CEP128: variants seen among roughly 807,000 people sequenced by gnomAD.
CEP128 encodes centrosomal protein 128, also known as centrosomal protein 128kDa.
In CEP128, 132 loss-of-function variants were observed where a neutral mutation model predicts 156.7. That is an observed-to-expected ratio of 0.84 (90% CI 0.73 to 0.97). The LOEUF is 0.97. Ranked by LOEUF, CEP128 falls within the 50% of genes least tolerant of loss-of-function variation. CEP128 has a pLI of 0.00. For synonymous variants in CEP128, 469 were observed against 448.9 expected (o/e 1.04, Z -0.57); for missense variants, 1,252 against 1,281.9 (o/e 0.98, Z 0.36).
intron 19 of CEP128, among the ~76,000 whole-genome samples, chr14:80,629,166 T>C (rs983747070): frequency 1.3e-5 from 2 of 152,204 alleles, no homozygotes; most frequent in South Asian, 2.1e-4. Context: ...TTAGCAACAA[T>C]TGAAAAAATG....
chr14:80,746,663 G>A (rs987530323), intron 18 of CEP128, among the ~76,000 whole-genome samples: 5 of 152,168 alleles, frequency 3.3e-5, no homozygotes, highest in African/African-American at 1.2e-4. Flanking sequence ...GGCATAAATC[G>A]TTGTGACCTT....
At chr14:80,688,006 G>A (rs1271617943) in intron 19 of CEP128, among the ~76,000 whole-genome samples, 1 of 151,934 alleles carries the variant, frequency 6.6e-6, no homozygotes, top group Non-Finnish European at 1.5e-5. Context: ...TATTCTGATA[G>A]TTGCTTCATG....
chr14:80,728,746 G>C (rs896296740), intron 19 of CEP128, among the ~76,000 whole-genome samples: 1 of 152,078 alleles, frequency 6.6e-6, no homozygotes, highest in Non-Finnish European at 1.5e-5. Flanking sequence ...TCTGGATTAA[G>C]AGAAGGACCA....
rs1895028686 is a variant in CEP128 at position 80,654,071 on chromosome 14, G to C, written c.2807-73648C>G. On this transcript the variant is annotated intron_variant, in intron 19 of 24. Coordinates refer to ENST00000555265, the MANE Select transcript of CEP128 (RefSeq NM_152446.5). ...AGCCCCTGCTTTATAGAACATGAAT[G>C]AACATTCATGGGCAGTAGGAGGCTT... Among the ~76,000 whole-genome samples, 3 of 152,100 alleles carry C rather than the reference G, an allele frequency of 2.0e-5. No homozygotes were observed. The South Asian group carries it at 6.2e-4, about 32-fold the overall frequency.
chr14:80,577,844 C>G (rs1891423242), intron 20 of CEP128, among the ~76,000 whole-genome samples: 1 of 152,176 alleles, frequency 6.6e-6, no homozygotes, highest in African/African-American at 2.4e-5. Context: ...TGCTGCCCCT[C>G]TCTCAGATGC....
intron 16 of CEP128, among the ~76,000 whole-genome samples, chr14:80,773,200 A>T (rs1900609225): frequency 1.3e-5 from 2 of 152,206 alleles, no homozygotes; most frequent in Admixed American, 1.3e-4. Flanking sequence ...TATAAAATGA[A>T]AATCATCAGT....
chr14:80,606,933 T>G (rs987624713), intron 19 of CEP128, among the ~76,000 whole-genome samples: 1 of 151,818 alleles, frequency 6.6e-6, no homozygotes, highest in Non-Finnish European at 1.5e-5. Flanking sequence ...CCTTTCATTA[T>G]TACTCTCTAA....
chr14:80,648,815 G>A (rs1352918688), intron 19 of CEP128, among the ~76,000 whole-genome samples: 1 of 151,988 alleles, frequency 6.6e-6, no homozygotes, highest in Non-Finnish European at 1.5e-5. Flanking sequence ...ACACTATACT[G>A]CTTGCCTCTG....
At chr14:80,901,857 G>T (rs2139427875) in intron 6 of CEP128, among the ~76,000 whole-genome samples, 1 of 152,260 alleles carries the variant, frequency 6.6e-6, no homozygotes, top group Admixed American at 6.5e-5. Flanking sequence ...CACCCACATT[G>T]AATCCATTTT....
intron 14 of CEP128, among the ~76,000 whole-genome samples, chr14:80,485,434 T>TATTC (rs1783955611): frequency 6.6e-6 from 1 of 152,040 alleles, no homozygotes; most frequent in African/African-American, 2.4e-5. Context: ...AACAGTGAAA[T>TATTC]ATGAATGAGT....
chr14:80,612,414 T>C (rs1192871263), intron 19 of CEP128, among the ~76,000 whole-genome samples: 1 of 152,204 alleles, frequency 6.6e-6, no homozygotes, highest in Non-Finnish European at 1.5e-5. Context: ...CGTGTTAATC[T>C]GATCAACATT....
At chr14:80,573,727 C>T (rs1478468144) in intron 20 of CEP128, among the ~76,000 whole-genome samples, 1 of 152,060 alleles carries the variant, frequency 6.6e-6, no homozygotes, top group Non-Finnish European at 1.5e-5. Flanking sequence ...ACCTGTTTGA[C>T]CCCAAGGCAG....
intron 23 of CEP128, among the ~76,000 whole-genome samples, chr14:80,507,619 T>C (rs897015875): frequency 5.9e-5 from 9 of 152,138 alleles, no homozygotes; most frequent in Admixed American, 5.2e-4. Flanking sequence ...AAAAGATGCT[T>C]TGATGATTAG....
At chr14:80,742,184 T>C (rs61979421) in intron 19 of CEP128, among the ~76,000 whole-genome samples, 16,600 of 152,262 alleles carry the variant, frequency 0.11, 1,372 homozygotes, top group East Asian at 0.43. Flanking sequence ...AAAATATCTC[T>C]TGTGACAAAA....
rs1036037635 is a variant in CEP128, at chr14:80,811,290, A to ATAC, written c.1210-18183_1210-18181dup. Among the ~76,000 whole-genome samples the ATAC allele has an allele frequency of 1.7e-4, 26 of 152,322 alleles. 1 individual carries two copies. The highest frequency in any genetic ancestry group is 6.3e-4 in the African/African-American group (26 of 41,564). ...AGAATGATTTTTATCCCTTTGGTAT[A>ATAC]TACCCTGTAATGGGATTACTGGGTC... On this transcript the variant is annotated intron_variant, in intron 13 of 24. Transcript: ENST00000555265.
intron 19 of CEP128, among the ~76,000 whole-genome samples, chr14:80,733,961 T>C (rs1312567996): frequency 6.6e-6 from 1 of 152,182 alleles, no homozygotes; most frequent in Non-Finnish European, 1.5e-5. Flanking sequence ...TAACAATATT[T>C]TTGTTTGCCC....
chr14:80,647,611 C>T (rs1819286038), intron 19 of CEP128, among the ~76,000 whole-genome samples: 1 of 151,946 alleles, frequency 6.6e-6, no homozygotes, highest in Non-Finnish European at 1.5e-5. Context: ...CAATGGTCTC[C>T]AACAGGGGAG....
intron 6 of CEP128, 97 bp from the exon 7 acceptor site, chr14:80,900,126 A>G (rs1425759332): frequency 1.4e-6 from 1 of 726,986 alleles, no homozygotes; most frequent in Non-Finnish European, 2.2e-6. Flanking sequence ...TCCTTGCAAT[A>G]ATAACCAGAT....
At chr14:80,699,610 T>C (rs1294855607) in intron 19 of CEP128, among the ~76,000 whole-genome samples, 3 of 151,866 alleles carry the variant, frequency 2.0e-5, no homozygotes, top group Non-Finnish European at 4.4e-5. Flanking sequence ...GAACCACACC[T>C]AGCACCTTAG....
Sources: allele counts gnomAD v4.1 joint callset (sites outside exome capture counted in the v4.1 genomes callset), GRCh38; gene constraint gnomAD v4.1.1; transcripts MANE v1.5; gene names NCBI Gene and HGNC (gene_info 2026-07-23, HGNC 2026-07-21).